Variants in IL1RAPL2 observed in about 807,000 individuals in gnomAD.
The protein encoded by IL1RAPL2 is interleukin 1 receptor accessory protein like 2.
A neutral mutation model predicts 44.1 loss-of-function variants in IL1RAPL2; 3 were observed. That is an observed-to-expected ratio of 0.07 (90% confidence interval 0.03 to 0.18). IL1RAPL2 has a LOEUF of 0.18. Among genes scored for constraint, IL1RAPL2 ranks in the 10% least tolerant of loss-of-function variants. The pLI, the probability that IL1RAPL2 is intolerant of heterozygous loss-of-function variation, is 1.00. For synonymous variants in IL1RAPL2, 181 were observed against 178.8 expected (o/e 1.01, Z -0.10); for missense variants, 391 against 496.4 (o/e 0.79, Z 2.02).
At chrX:105,761,681 C>T (rs2038689427) in intron 10 of IL1RAPL2, among the ~76,000 whole-genome samples, 1 of 111,921 alleles carries the variant, frequency 8.9e-6, no homozygotes, top group South Asian at 3.7e-4. Context: ...TGCATCCTGT[C>T]TCACCCTAAT....
chrX:105,603,775 A>C, intron 6 of IL1RAPL2, among the ~76,000 whole-genome samples: 1 of 111,947 alleles, frequency 8.9e-6, no homozygotes, highest in Non-Finnish European at 1.9e-5. Context: ...CATATGTTAG[A>C]CCACAATACA....
At chrX:105,735,280 C>T (rs528952668) in intron 7 of IL1RAPL2, among the ~76,000 whole-genome samples, 1 of 110,983 alleles carries the variant, frequency 9.0e-6, no homozygotes, top group Middle Eastern at 4.6e-3. Context: ...ATTTAGACCC[C>T]TCTGGTTACT....
intron 6 of IL1RAPL2, among the ~76,000 whole-genome samples, chrX:105,600,932 A>G (rs2037247456): frequency 9.0e-6 from 1 of 111,411 alleles, no homozygotes; most frequent in African/African-American, 3.3e-5. Context: ...AAACTAATTC[A>G]TTATTTGCCA....
intron 6 of IL1RAPL2, among the ~76,000 whole-genome samples, chrX:105,589,875 C>A (rs1837372509): frequency 9.0e-6 from 1 of 111,531 alleles, no homozygotes; most frequent in Non-Finnish European, 1.9e-5. Flanking sequence ...TTTTTGGTTT[C>A]ATGAATTTTA....
intron 5 of IL1RAPL2, among the ~76,000 whole-genome samples, chrX:105,316,048 C>A (rs1271295601): frequency 9.0e-6 from 1 of 110,785 alleles, no homozygotes; most frequent in Non-Finnish European, 1.9e-5. Flanking sequence ...CCAAGGACGG[C>A]GGATCACCTG....
chrX:105,032,779 C>T (rs1173735994), intron 2 of IL1RAPL2, among the ~76,000 whole-genome samples: 1 of 110,868 alleles, frequency 9.0e-6, no homozygotes, highest in Non-Finnish European at 1.9e-5. Context: ...CCTGGGTATC[C>T]TTGTTAACTT....
rs34874206 is a variant in IL1RAPL2 at position 104,931,996 on chromosome X, A to ATTTT, written c.83-263469_83-263466dup. Among the ~76,000 whole-genome samples the ATTTT allele has an allele frequency of 1.8e-3, 152 of 84,764 alleles. 4 individuals are homozygous for ATTTT. Among genetic ancestry groups the ATTTT allele is most frequent in the South Asian group, 6.9e-3 (12 of 1,743 alleles). 73.6% of individuals were successfully genotyped at this position (84,764 alleles called of 115,157 possible). ...TGTGTTTGTATATATATATATATAT[A>ATTTT]TTTTTTTTTTTTTGAGACAGAGTTT... On this transcript the variant is annotated intron_variant, in intron 2 of 10. Coordinates refer to ENST00000372582, the MANE Select transcript of IL1RAPL2 (RefSeq NM_017416.2).
intron 2 of IL1RAPL2, among the ~76,000 whole-genome samples, chrX:104,871,524 G>T (rs1430862359): frequency 9.0e-6 from 1 of 111,177 alleles, no homozygotes; most frequent in Admixed American, 9.6e-5. Flanking sequence ...TCCTTACCAT[G>T]GGTTCTGAAT....
At chrX:105,080,515 G>T (rs2032388761) in intron 2 of IL1RAPL2, among the ~76,000 whole-genome samples, 1 of 111,766 alleles carries the variant, frequency 8.9e-6, no homozygotes, top group African/African-American at 3.3e-5. Context: ...GTTTGTCAAA[G>T]ATCAGATGGT....
chrX:104,573,661 A>G (rs1197323516), intron 1 of IL1RAPL2, among the ~76,000 whole-genome samples: 3 of 112,403 alleles, frequency 2.7e-5, no homozygotes, highest in Non-Finnish European at 5.6e-5. Context: ...TAAATTCCAG[A>G]TAAAACTCTG....
chrX:105,359,347 C>A (rs1052008799), intron 5 of IL1RAPL2, among the ~76,000 whole-genome samples: 2 of 111,665 alleles, frequency 1.8e-5, no homozygotes, highest in South Asian at 7.5e-4. Context: ...CTGGAGACAG[C>A]AAATAAATCA....
intron 5 of IL1RAPL2, among the ~76,000 whole-genome samples, chrX:105,309,784 T>C (rs753512017): frequency 9.0e-6 from 1 of 111,424 alleles, no homozygotes; most frequent in East Asian, 2.8e-4. Flanking sequence ...TATTATTGGA[T>C]TGCAAGAAAT....
intron 2 of IL1RAPL2, among the ~76,000 whole-genome samples, chrX:105,063,391 T>C (rs1175035599): frequency 8.9e-6 from 1 of 112,485 alleles, no homozygotes; most frequent in Non-Finnish European, 1.9e-5. Context: ...TGTCTCTGTT[T>C]CTCAGGATTG....
chrX:105,088,849 G>A (rs1168729645), intron 2 of IL1RAPL2, among the ~76,000 whole-genome samples: 1 of 111,584 alleles, frequency 9.0e-6, no homozygotes, highest in African/African-American at 3.3e-5. Context: ...GCTATGGCTA[G>A]AGTTGAGTAG....
At chrX:105,703,940 C>T (rs927967904) in intron 6 of IL1RAPL2, among the ~76,000 whole-genome samples, 15 of 111,926 alleles carry the variant, frequency 1.3e-4, no homozygotes, top group African/African-American at 4.5e-4. Flanking sequence ...GTACTTAGAA[C>T]ATAGATGTTG....
intron 5 of IL1RAPL2, among the ~76,000 whole-genome samples, chrX:105,327,494 T>C (rs961725654): frequency 8.9e-6 from 1 of 112,049 alleles, no homozygotes. Context: ...GGCTGAATCA[T>C]GGTTGTTTCT....
At chrX:104,635,564 A>G (rs913573104) in intron 1 of IL1RAPL2, among the ~76,000 whole-genome samples, 1 of 110,629 alleles carries the variant, frequency 9.0e-6, no homozygotes, top group Non-Finnish European at 1.9e-5. Context: ...TTTTCTCTAA[A>G]CTTCTCTTGT....
chrX:104,730,201 A>C (rs1035661930), intron 2 of IL1RAPL2, among the ~76,000 whole-genome samples: 1 of 111,487 alleles, frequency 9.0e-6, no homozygotes, highest in African/African-American at 3.2e-5. Context: ...AGACTTTTTA[A>C]AAATTAAACT....
chrX:104,757,284 T>C (rs1602713092), intron 2 of IL1RAPL2, among the ~76,000 whole-genome samples: 1 of 111,745 alleles, frequency 8.9e-6, no homozygotes, highest in South Asian at 3.7e-4. Context: ...GCTGAATGCC[T>C]ACAAGGATGG....
Sources: gnomAD v4.1 joint callset for allele counts (sites outside exome capture counted in the v4.1 genomes callset) on GRCh38, gnomAD v4.1.1 for gene constraint, MANE v1.5 for transcripts, NCBI Gene and HGNC (gene_info 2026-07-23, HGNC 2026-07-21) for gene names.